TVP23A: variants seen among roughly 807,000 people sequenced by gnomAD.
The protein encoded by TVP23A is Golgi apparatus membrane protein TVP23 homolog A.
Under a neutral mutation model 31.7 loss-of-function variants are expected in TVP23A, and 21 were observed. The observed-to-expected ratio is 0.66, with a 90% confidence interval of 0.47 to 0.95. The LOEUF is 0.95. Ranked by LOEUF, TVP23A falls within the 40% of genes least tolerant of loss-of-function variation. The pLI is 0.00. For synonymous variants in TVP23A, 104 were observed against 96.0 expected, an observed-to-expected ratio of 1.08 and a Z score of -0.49; for missense variants, 279 against 255.6, an observed-to-expected ratio of 1.09 and a Z score of -0.62.
chr16:10,818,225 C>G lies in TVP23A; in HGVS notation c.10-43G>C. ...GCAGGTGGCAGGCCCAAGCACGGCG[C>G]ACACCCCAACCCCACCCGCCCTGTC... On this transcript the variant is annotated intron_variant, in intron 1 of 7. Transcript: ENST00000299866. The surrounding 1 kb of genome is among the most constrained non-coding windows in gnomAD (Gnocchi z 4.7). 1 of 1,516,436 alleles carries G rather than the reference C, an allele frequency of 6.6e-7. No homozygotes were observed. The highest frequency in any genetic ancestry group is 2.4e-5 in the East Asian group (1 of 41,558). 93.9% of individuals were successfully genotyped at this position (1,516,436 alleles called of 1,614,324 possible).
chr16:10,775,355 A>C, intron 2 of TVP23A: 1 of 1,292,948 alleles, frequency 7.7e-7, no homozygotes, highest in Non-Finnish European at 9.8e-7. Context: ...GACTCCAAAT[A>C]TCACTTGCCC....
intron 2 of TVP23A, among the ~76,000 whole-genome samples, chr16:10,800,768 G>C (rs1027520543): frequency 6.6e-6 from 1 of 152,190 alleles, no homozygotes; most frequent in South Asian, 2.1e-4. Context: ...TGGATCGCTT[G>C]AGCTCAGGAG....
At chr16:10,805,930 G>A (rs144411083) in intron 2 of TVP23A, among the ~76,000 whole-genome samples, 2 of 152,274 alleles carry the variant, frequency 1.3e-5, no homozygotes, top group African/African-American at 4.8e-5. Context: ...AATGTCTGGA[G>A]ACATTTTGGT....
At chr16:10,784,186 T>C (rs2032595338) in intron 2 of TVP23A, among the ~76,000 whole-genome samples, 2 of 151,386 alleles carry the variant, frequency 1.3e-5, no homozygotes, top group Non-Finnish European at 2.9e-5. Flanking sequence ...ATACAAACAT[T>C]AGCCAGGTGG....
downstream of TVP23A, among the ~76,000 whole-genome samples, chr16:10,757,368 T>A (rs1482960990): frequency 6.6e-6 from 1 of 152,090 alleles, no homozygotes; most frequent in Non-Finnish European, 1.5e-5. The surrounding 1 kb of genome is among the most constrained non-coding windows in gnomAD (Gnocchi z 4.1). Flanking sequence ...AGAGGTGAGA[T>A]CAACAGGAGG....
At position 10,792,234 on chromosome 16, in the gene TVP23A, C is replaced by A. The variant is rs373376372; in HGVS notation, c.90-17138G>T. 1.2e-4 allele frequency among the ~76,000 whole-genome samples: 18 copies of A among 152,304 alleles called. No individual in the cohort carries two copies. The East Asian group carries it at 2.5e-3, about 21-fold the overall frequency. On this transcript the variant is annotated intron_variant, in intron 2 of 7. Transcript: ENST00000299866. ...TTCTAAACTCATTCCTTATGTGTGT[C>A]CATGTCCTTAATCTTCTTGGCACGA...
chr16:10,772,789 G>GCTT (rs60512879), intron 5 of TVP23A, among the ~76,000 whole-genome samples: 72,823 of 151,720 alleles, frequency 0.48, 19,028 homozygotes, highest in African/African-American at 0.7. Context: ...AGGGCGCAAG[G>GCTT]CTTCTTCCGG....
At chr16:10,759,724 C>G (rs577113211), downstream of TVP23A, among the ~76,000 whole-genome samples, 2 of 152,050 alleles carry the variant, frequency 1.3e-5, no homozygotes, top group African/African-American at 4.8e-5. This position sits in a 1 kb window ranked among gnomAD's most constrained non-coding sequence, Gnocchi z 4.7. Context: ...TGCAGTGAGC[C>G]GAGATCGCGC....
chr16:10,767,353 T>A lies in TVP23A; in HGVS notation c.*1749A>T. The A allele has an allele frequency of 5.0e-6, 2 of 399,688 alleles. No individual in the cohort carries two copies. The highest frequency in any genetic ancestry group is 8.8e-6 in the Non-Finnish European group (2 of 226,918). 24.8% of individuals were successfully genotyped at this position (399,688 alleles called of 1,614,324 possible). Reference sequence around the variant, plus strand: ...CAATGGCCACATGGCGGGGAAAGACTAGCAGACTGATAGACACCAGCACAG... The same window carrying A: ...CAATGGCCACATGGCGGGGAAAGACAAGCAGACTGATAGACACCAGCACAG... On this transcript the variant is annotated 3_prime_UTR_variant, in exon 8 of 8. Transcript: ENST00000299866. This position sits in a 1 kb window ranked among gnomAD's most constrained non-coding sequence, Gnocchi z 4.6.
chr16:10,779,102 A>G lies in TVP23A; in HGVS notation c.90-4006T>C, dbSNP rs76818317. On this transcript the variant is annotated intron_variant, in intron 2 of 7. Transcript: ENST00000299866. The surrounding 1 kb of genome is among the most constrained non-coding windows in gnomAD (Gnocchi z 4.9). ...TTTTCTTTTTGGCTGTGGCTCTCCT[A>G]AAATAAAATGCAGAAAAATTTCCAG... 0.027 allele frequency among the ~76,000 whole-genome samples: 4,091 copies of G among 152,264 alleles called. 169 individuals carry two copies. Among genetic ancestry groups the G allele is most frequent in the African/African-American group, 0.094 (3,897 of 41,544 alleles).
At chr16:10,775,519 T>A in intron 2 of TVP23A, 1 of 1,039,304 alleles carries the variant, frequency 9.6e-7, no homozygotes, top group South Asian at 3.6e-5. Context: ...ACGGGGCAGG[T>A]GTCTCATGTC....
intron 2 of TVP23A, among the ~76,000 whole-genome samples, chr16:10,816,732 G>A (rs528956676): frequency 1.3e-5 from 2 of 151,966 alleles, no homozygotes; most frequent in Admixed American, 1.3e-4. Flanking sequence ...GAGGCACGGG[G>A]GAAGTGGGGA....
In TVP23A at chr16:10,799,492, C is replaced by A. The variant is rs770701564; in HGVS notation, c.89+18611G>T. On this transcript the variant is annotated intron_variant, in intron 2 of 7. Coordinates refer to ENST00000299866, the MANE Select transcript of TVP23A (RefSeq NM_001079512.4). ...CGGATTACAGGTGCCTACTACCACG[C>A]CTGACTAATTTTTGTAGTTTTAGTG... is the stretch of plus-strand genomic sequence containing the variant. Among the ~76,000 whole-genome samples, 3 of 152,278 alleles carry A rather than the reference C, an allele frequency of 2.0e-5. No homozygotes were observed. The South Asian group carries it at 6.2e-4, about 32-fold the overall frequency.
intron 5 of TVP23A, 76 bp downstream of exon 5, chr16:10,773,237 C>G: frequency 1.3e-6 from 2 of 1,492,836 alleles, no homozygotes; most frequent in South Asian, 1.4e-5. Flanking sequence ...TAACAAATAA[C>G]AACAAAAGCC....
intron 2 of TVP23A, among the ~76,000 whole-genome samples, chr16:10,781,522 G>A (rs1282008168): frequency 6.6e-6 from 1 of 152,180 alleles, no homozygotes; most frequent in Non-Finnish European, 1.5e-5. Flanking sequence ...CCGGAGGGAA[G>A]CACAGTAGAT....
chr16:10,818,472 C>A lies in TVP23A; in HGVS notation c.9+13G>T. 6.2e-7 allele frequency: 1 copy of A among 1,604,922 alleles called. No homozygotes were observed. Among genetic ancestry groups the A allele is most frequent in the Non-Finnish European group, 8.5e-7 (1 of 1,178,658 alleles). On this transcript the variant is annotated intron_variant, in intron 1 of 7. Transcript: ENST00000299866. This position sits in a 1 kb window ranked among gnomAD's most constrained non-coding sequence, Gnocchi z 4.7. ...CCGCCCCGCCTCCAGCCCCAGCATC[C>A]CCGAGGCCCTACCTGCTTCATCACC... is the stretch of plus-strand genomic sequence containing the variant.
Position 10,766,897 on chromosome 16 carries a change from AG to A in TVP23A, c.*2204del, listed in dbSNP as rs1313835142. 2.5e-6 allele frequency: 1 copy of A among 398,652 alleles called. No homozygotes were observed. Among genetic ancestry groups the A allele is most frequent in the Admixed American group, 4.4e-5 (1 of 22,734 alleles). The allele number at this position is 398,652 out of a possible 1,614,324, so 24.7% of individuals were successfully genotyped here. A position where few individuals can be genotyped will look rare whatever the true frequency, so the allele number is the denominator to read the frequency against. On this transcript the variant is annotated 3_prime_UTR_variant, in exon 8 of 8. Coordinates refer to ENST00000299866, the MANE Select transcript of TVP23A (RefSeq NM_001079512.4). The surrounding 1 kb of genome is among the most constrained non-coding windows in gnomAD (Gnocchi z 4.8). ...AGAGGACATTTCCTGTTATGGCTCA[AG>A]TGCGAATTGGCCTTATGTTCCCTGC... is the stretch of plus-strand genomic sequence containing the variant.
intron 2 of TVP23A, among the ~76,000 whole-genome samples, chr16:10,785,974 C>T (rs935591487): frequency 2.0e-5 from 3 of 152,108 alleles, no homozygotes; most frequent in Admixed American, 6.6e-5. Context: ...GATGAAACCC[C>T]GTCTCTACTA....
At position 10,777,391 on chromosome 16, in the gene TVP23A, T is replaced by C. The variant is rs2032104988; in HGVS notation, c.90-2295A>G. 6.6e-6 allele frequency among the ~76,000 whole-genome samples: 1 copy of C among 152,082 alleles called. No individual in the cohort carries two copies. Among genetic ancestry groups the C allele is most frequent in the Non-Finnish European group, 1.5e-5 (1 of 68,014 alleles). On this transcript the variant is annotated intron_variant, in intron 2 of 7. Transcript: ENST00000299866. The surrounding 1 kb of genome is among the most constrained non-coding windows in gnomAD (Gnocchi z 4.5). Reference sequence around the variant, plus strand: ...GTGAGCTTGCAACCTCTGGATTAGGTTACAAAATGTTGTGGGCTTTGGAAA... The same window carrying C: ...GTGAGCTTGCAACCTCTGGATTAGGCTACAAAATGTTGTGGGCTTTGGAAA...
Sources: allele counts gnomAD v4.1 joint callset (sites outside exome capture counted in the v4.1 genomes callset), GRCh38; gene constraint gnomAD v4.1.1; non-coding constraint Gnocchi (gnomAD v3.1); transcripts MANE v1.5; gene names NCBI Gene and HGNC (gene_info 2026-07-23, HGNC 2026-07-21).